The following KIF26B variants were observed in gnomAD, a reference collection of about 807,000 sequenced individuals.
KIF26B encodes kinesin family member 26B, also known as kinesin-like protein KIF26B.
KIF26B carries 63 observed loss-of-function variants against 151.2 expected under a neutral mutation model. That is an observed-to-expected ratio of 0.42 (90% CI 0.34 to 0.51). The LOEUF is 0.51. KIF26B is among the 20% of genes least tolerant of loss of function. The probability of loss-of-function intolerance (pLI) is 0.07; values close to 1 mark genes in which losing one functional copy is unlikely to be tolerated. For missense variants in KIF26B, 2,813 were observed against 2,913.6 expected, an observed-to-expected ratio of 0.97 and a Z score of 0.79; for synonymous variants, 1,357 against 1,262.1, an observed-to-expected ratio of 1.08 and a Z score of -1.59.
At chr1:245,411,099 A>G (rs191035065) in intron 3 of KIF26B, among the ~76,000 whole-genome samples, 61 of 152,318 alleles carry the variant, frequency 4.0e-4, no homozygotes, top group African/African-American at 1.4e-3. Flanking sequence ...ACTTGCTGCA[A>G]TGTCTACTGA....
In KIF26B at chr1:245,698,653, C is replaced by A. The variant is rs1475507167; in HGVS notation, c.6028-234C>A. ...ACCTGCTTTCTCAACTTAAGAATGG[C>A]CTGTCATAGTCCAAAAATGGTCTGT... On this transcript the variant is annotated intron_variant, in intron 13 of 14. Transcript: ENST00000407071. The surrounding 1 kb of genome is among the most constrained non-coding windows in gnomAD (Gnocchi z 4.0). Among the ~76,000 whole-genome samples the A allele has an allele frequency of 6.6e-6, 1 of 152,168 alleles. No homozygotes were observed. The highest frequency in any genetic ancestry group is 1.5e-5 in the Non-Finnish European group (1 of 68,030).
chr1:245,666,398 C>CA (rs2147937510), intron 10 of KIF26B, among the ~76,000 whole-genome samples: 1 of 152,148 alleles, frequency 6.6e-6, no homozygotes, highest in South Asian at 2.1e-4. Flanking sequence ...AAATCCAGGA[C>CA]AAAATAAACC....
At chr1:245,370,053 T>C (rs1673075174) in intron 3 of KIF26B, among the ~76,000 whole-genome samples, 1 of 152,206 alleles carries the variant, frequency 6.6e-6, no homozygotes, top group Admixed American at 6.5e-5. Flanking sequence ...AACATATTTG[T>C]TGTAAAATAA....
intron 2 of KIF26B, among the ~76,000 whole-genome samples, chr1:245,192,794 G>A (rs900950571): frequency 6.6e-6 from 1 of 152,218 alleles, no homozygotes; most frequent in African/African-American, 2.4e-5. Context: ...ACAGATTTGG[G>A]GGGTGCGTGT....
chr1:245,199,623 C>T (rs1489481761), intron 2 of KIF26B, among the ~76,000 whole-genome samples: 3 of 152,056 alleles, frequency 2.0e-5, no homozygotes, highest in South Asian at 2.1e-4. Context: ...TGATTACAGG[C>T]ATGCGCCACC....
Position 245,451,084 on chromosome 1 carries a change from C to T in KIF26B, c.1166+31339C>T, listed in dbSNP as rs140371299. Among the ~76,000 whole-genome samples, 908 of 151,790 alleles carry T rather than the reference C, an allele frequency of 6.0e-3. 11 individuals carry two copies. The highest frequency in any genetic ancestry group is 0.021 in the African/African-American group (874 of 41,386). ...CATTTTGACTTATTTTTTATTCTACCGTTTTTCTATTTGCTACCTCATTTA... is the reference window on the plus strand; with the variant it reads ...CATTTTGACTTATTTTTTATTCTACTGTTTTTCTATTTGCTACCTCATTTA... On this transcript the variant is annotated intron_variant, in intron 4 of 14. Transcript: ENST00000407071.
intron 2 of KIF26B, among the ~76,000 whole-genome samples, chr1:245,270,957 T>C (rs989954650): frequency 2.6e-5 from 4 of 152,226 alleles, no homozygotes; most frequent in South Asian, 2.1e-4. Flanking sequence ...AAGGATCCAA[T>C]GCTTCTTTTG....
chr1:245,383,887 C>T (rs914321638), intron 3 of KIF26B, among the ~76,000 whole-genome samples: 4 of 152,070 alleles, frequency 2.6e-5, no homozygotes, highest in Non-Finnish European at 2.9e-5. Context: ...GGTGATTTGC[C>T]GACTGTTCCT....
At chr1:245,461,686 G>A (rs548048263) in intron 4 of KIF26B, among the ~76,000 whole-genome samples, 2 of 152,318 alleles carry the variant, frequency 1.3e-5, no homozygotes, top group Admixed American at 1.3e-4. Context: ...AGAGCTCTAT[G>A]TTGCATCTTC....
intron 2 of KIF26B, among the ~76,000 whole-genome samples, chr1:245,312,441 G>T (rs12738350): frequency 0.052 from 7,840 of 152,168 alleles, 272 homozygotes; most frequent in Middle Eastern, 0.095. Context: ...GGAGTCGTTT[G>T]CCTCTCTTTT....
chr1:245,506,421 G>T (rs917647724), intron 4 of KIF26B, among the ~76,000 whole-genome samples: 2 of 152,116 alleles, frequency 1.3e-5, no homozygotes, highest in Admixed American at 6.5e-5. Flanking sequence ...ATTTATAGTT[G>T]CCTATCTGCC....
At chr1:245,449,622 C>T (rs1659341227) in intron 4 of KIF26B, among the ~76,000 whole-genome samples, 1 of 152,122 alleles carries the variant, frequency 6.6e-6, no homozygotes, top group Admixed American at 6.5e-5. Flanking sequence ...GTGTGTTCAC[C>T]AAACACCTGG....
rs1364264956 is a variant in KIF26B at position 245,235,860 on chromosome 1, A to G, written c.465+79177A>G. On this transcript the variant is annotated intron_variant, in intron 2 of 14. Coordinates refer to ENST00000407071, the MANE Select transcript of KIF26B (RefSeq NM_018012.4). ...TTTGCATAAGTTTTTGAGTAGTTAG[A>G]ATAAACAGTGCTTATCGCCTTCCCA... 2.0e-5 allele frequency among the ~76,000 whole-genome samples: 3 copies of G among 152,100 alleles called. No homozygotes were observed. In the East Asian group the frequency reaches 5.8e-4, roughly 29 times the overall value.
chr1:245,310,177 GTA>G (rs56342250), intron 2 of KIF26B, among the ~76,000 whole-genome samples: 4 of 146,168 alleles, frequency 2.7e-5, no homozygotes, highest in Non-Finnish European at 3.0e-5. Flanking sequence ...CTCACTATAT[GTA>G]TATATATATA....
chr1:245,483,197 C>T (rs1660205440), intron 4 of KIF26B, among the ~76,000 whole-genome samples: 1 of 151,816 alleles, frequency 6.6e-6, no homozygotes, highest in African/African-American at 2.4e-5. Flanking sequence ...GAGAAGCTGT[C>T]TCAGAACCAG....
chr1:245,691,364 AAAATT>A (rs1401340527), intron 12 of KIF26B, among the ~76,000 whole-genome samples: 31 of 152,230 alleles, frequency 2.0e-4, no homozygotes, highest in African/African-American at 6.5e-4. Flanking sequence ...AAAACAGTGT[AAAATT>A]AAAATGCCAG....
At chr1:245,675,004 G>C (rs1036086471) in intron 10 of KIF26B, among the ~76,000 whole-genome samples, 1 of 152,172 alleles carries the variant, frequency 6.6e-6, no homozygotes, top group African/African-American at 2.4e-5. Flanking sequence ...CCTCAGGCTC[G>C]TAATTCTCTA....
chr1:245,378,342 G>C (rs1673325123), intron 3 of KIF26B, among the ~76,000 whole-genome samples: 2 of 151,480 alleles, frequency 1.3e-5, no homozygotes, highest in African/African-American at 4.9e-5. Flanking sequence ...AGGTGGGGAG[G>C]TGGGGGGTGG....
chr1:245,454,660 A>G (rs1659473116), intron 4 of KIF26B, among the ~76,000 whole-genome samples: 1 of 152,220 alleles, frequency 6.6e-6, no homozygotes, highest in African/African-American at 2.4e-5. Context: ...AAACATTGAG[A>G]AAACTATTGA....
Sources: gnomAD v4.1 joint callset for allele counts (sites outside exome capture counted in the v4.1 genomes callset) on GRCh38, gnomAD v4.1.1 for gene constraint, Gnocchi (gnomAD v3.1) non-coding constraint, MANE v1.5 for transcripts, NCBI Gene and HGNC (gene_info 2026-07-23, HGNC 2026-07-21) for gene names.